Variants in DST observed in about 807,000 individuals in gnomAD.
DST encodes dystonin.
A neutral mutation model predicts 875.2 loss-of-function variants in DST; 253 were observed. The observed-to-expected ratio is 0.29, with a 90% confidence interval of 0.26 to 0.32. DST has a LOEUF of 0.32. Ranked by LOEUF, DST falls within the 10% of genes least tolerant of loss-of-function variation. DST has a pLI of 1.00. For missense variants in DST, 8,287 were observed against 9,111.6 expected, an observed-to-expected ratio of 0.91 and a Z score of 3.68; for synonymous variants, 3,124 against 3,197.1, an observed-to-expected ratio of 0.98 and a Z score of 0.77.
chr6:56,533,558 T>C (rs772360993), intron 63 of DST, among the ~76,000 whole-genome samples: 3 of 152,230 alleles, frequency 2.0e-5, no homozygotes, highest in African/African-American at 7.2e-5. Context: ...AGTCATGATA[T>C]AATCAAAGTA....
At chr6:56,801,241 C>G (rs1050955177) in intron 4 of DST, among the ~76,000 whole-genome samples, 1 of 152,036 alleles carries the variant, frequency 6.6e-6, no homozygotes. Flanking sequence ...GACGACAATG[C>G]ATTTAATTGT....
intron 4 of DST, among the ~76,000 whole-genome samples, chr6:56,779,604 G>A (rs2099687670): frequency 6.6e-6 from 1 of 151,792 alleles, no homozygotes; most frequent in African/African-American, 2.4e-5. Flanking sequence ...TCTACATATA[G>A]CTAGCCAGTT....
chr6:56,617,934 T>C, intron 36 of DST: 1 of 1,494,102 alleles, frequency 6.7e-7, no homozygotes, highest in Admixed American at 1.7e-5. Flanking sequence ...AGGAAACAAA[T>C]GAGGAAACTT....
At chr6:56,532,236 TA>T in intron 64 of DST, 107 bp downstream of exon 64, 2 of 1,033,200 alleles carry the variant, frequency 1.9e-6, no homozygotes, top group Non-Finnish European at 2.9e-6. Flanking sequence ...ACATACATGA[TA>T]AACATAGGAA....
At chr6:56,643,479 G>A (rs1291127303) in intron 15 of DST, among the ~76,000 whole-genome samples, 2 of 152,142 alleles carry the variant, frequency 1.3e-5, no homozygotes, top group African/African-American at 2.4e-5. Context: ...GAATACTGAT[G>A]CAATGCTTAC....
intron 87 of DST, among the ~76,000 whole-genome samples, chr6:56,485,814 A>T (rs1029199349): frequency 6.6e-6 from 1 of 152,068 alleles, no homozygotes; most frequent in African/African-American, 2.4e-5. Flanking sequence ...TTTGGTATAC[A>T]CTTCTATACA....
At chr6:56,462,074 T>G (rs1040221730) in intron 102 of DST, 3 of 152,240 alleles carry the variant, frequency 2.0e-5, no homozygotes, top group African/African-American at 7.2e-5. Flanking sequence ...AAGAGGGCTT[T>G]TAAAAGTTAT....
intron 3 of DST, among the ~76,000 whole-genome samples, chr6:56,868,253 G>A (rs1775198957): frequency 6.6e-6 from 1 of 152,188 alleles, no homozygotes; most frequent in Non-Finnish European, 1.5e-5. Flanking sequence ...ATGAGGTCTT[G>A]TTTCCAATCG....
intron 3 of DST, among the ~76,000 whole-genome samples, chr6:56,860,564 G>A (rs1032620762): frequency 1.3e-5 from 2 of 152,220 alleles, no homozygotes; most frequent in South Asian, 4.1e-4. Context: ...GGCTCCCGAC[G>A]AATCTAGCTG....
intron 69 of DST, among the ~76,000 whole-genome samples, chr6:56,519,629 CTG>C (rs1298536398): frequency 6.6e-6 from 1 of 152,172 alleles, no homozygotes; most frequent in Non-Finnish European, 1.5e-5. Context: ...GCCACCTGCA[CTG>C]TGGTACCAGT....
At chr6:56,938,433 T>C (rs1159784129) in intron 2 of DST, among the ~76,000 whole-genome samples, 1 of 152,040 alleles carries the variant, frequency 6.6e-6, no homozygotes, top group Non-Finnish European at 1.5e-5. Flanking sequence ...CTGAAATTTT[T>C]GAAAAACTAA....
At chr6:56,500,932 T>A in intron 80 of DST, 148 bp downstream of exon 80, 1 of 719,968 alleles carries the variant, frequency 1.4e-6, no homozygotes, top group Non-Finnish European at 2.1e-6. Context: ...ATGTTTTAAG[T>A]AGTTAACCTT....
intron 4 of DST, among the ~76,000 whole-genome samples, chr6:56,790,789 A>T (rs2099720367): frequency 6.6e-6 from 1 of 152,236 alleles, no homozygotes; most frequent in Non-Finnish European, 1.5e-5. Flanking sequence ...TTTGTACTGG[A>T]CCATAAAACC....
chr6:56,567,830 C>T (rs1297793634), intron 55 of DST, among the ~76,000 whole-genome samples: 1 of 152,144 alleles, frequency 6.6e-6, no homozygotes, highest in African/African-American at 2.4e-5. Context: ...AAACTTGTTA[C>T]TGTATGTTTC....
intron 85 of DST, among the ~76,000 whole-genome samples, chr6:56,491,187 T>A (rs575815884): frequency 6.6e-6 from 1 of 152,220 alleles, no homozygotes; most frequent in African/African-American, 2.4e-5. Flanking sequence ...CTATGGTGTG[T>A]AATGCTATAA....
At chr6:56,654,539 T>C (rs762261613) in intron 10 of DST, among the ~76,000 whole-genome samples, 9 of 149,896 alleles carry the variant, frequency 6.0e-5, no homozygotes, top group Non-Finnish European at 8.8e-5. Context: ...AAAAGTAATG[T>C]TTATCTTTCA....
rs775641704 is a variant in DST at position 56,620,179 on chromosome 6, T to A, written c.4929+4351A>T. On this transcript the variant is annotated intron_variant, in intron 36 of 103. Transcript: ENST00000680361. ...TCTGCTTTATCAGCTTCAAGAGTTC[T>A]TCCTCATTGTCTCTCTTTCTTCTTA... The A allele has an allele frequency of 2.5e-6, 4 of 1,613,682 alleles. No individual in the cohort carries two copies. Among genetic ancestry groups the A allele is most frequent in the Non-Finnish European group, 2.5e-6 (3 of 1,179,966 alleles).
chr6:56,920,473 G>T (rs915314100), intron 2 of DST, among the ~76,000 whole-genome samples: 4 of 152,096 alleles, frequency 2.6e-5, no homozygotes, highest in Non-Finnish European at 4.4e-5. Context: ...CTACAACCAG[G>T]ACATTTCTAT....
intron 2 of DST, among the ~76,000 whole-genome samples, chr6:56,921,289 C>T (rs963468836): frequency 6.6e-6 from 1 of 152,044 alleles, no homozygotes; most frequent in Admixed American, 6.6e-5. Flanking sequence ...TGTTTTAAAG[C>T]CAACTAAATG....
Sources: gnomAD v4.1 joint callset for allele counts (sites outside exome capture counted in the v4.1 genomes callset) on GRCh38, gnomAD v4.1.1 for gene constraint, MANE v1.5 for transcripts, NCBI Gene and HGNC (gene_info 2026-07-23, HGNC 2026-07-21) for gene names.